Variants in MCHR2 observed in about 807,000 individuals in gnomAD.
The protein encoded by MCHR2 is melanin concentrating hormone receptor 2.
In MCHR2, 15 loss-of-function variants were observed where a neutral mutation model predicts 24.8. The ratio of observed to expected loss-of-function variants is 0.60; its 90% confidence interval spans 0.40 to 0.93. The LOEUF (loss-of-function observed/expected upper bound fraction) is 0.93, where lower values mean the gene tolerates loss of function less well. Ranked by LOEUF, MCHR2 falls within the 40% of genes least tolerant of loss-of-function variation. MCHR2 has a pLI of 0.00. For missense variants in MCHR2, 386 were observed against 408.7 expected, an observed-to-expected ratio of 0.94 and a Z score of 0.48; for synonymous variants, 151 against 147.6, an observed-to-expected ratio of 1.02 and a Z score of -0.17.
rs1238688132 is a variant in MCHR2, at chr6:99,921,191, C to CCACCAG, written c.766_771dup (p.Leu256_Val257dup). 2.2e-5 allele frequency: 35 copies of CCACCAG among 1,613,996 alleles called. No individual in the cohort carries two copies. The highest frequency in any genetic ancestry group is 2.8e-5 in the Non-Finnish European group (33 of 1,180,020). On this transcript the variant is annotated inframe_insertion, in exon 6 of 6. Transcript: ENST00000281806. Reference sequence around the variant, plus strand: ...GGGGCAGCACTCAGGATAAAGACTACCACCAGCACCAGCACCATCTTTGTC... The same window carrying CCACCAG: ...GGGGCAGCACTCAGGATAAAGACTACCACCAGCACCAGCACCAGCACCATCTTTGTC...
chr6:99,984,238 A>AT (rs1029242587), intron 1 of MCHR2, among the ~76,000 whole-genome samples: 1 of 67,212 alleles, frequency 1.5e-5, no homozygotes, highest in African/African-American at 4.7e-5. Flanking sequence ...TTTGTTTTTT[A>AT]TTTTTTTATT....
intron 1 of MCHR2, among the ~76,000 whole-genome samples, chr6:99,987,069 T>G (rs1335157252): frequency 6.6e-6 from 1 of 150,730 alleles, no homozygotes; most frequent in Non-Finnish European, 1.5e-5. Flanking sequence ...CTCTATTGTA[T>G]TGTGTTTGTT....
chr6:99,951,432 C>G (rs965609534), intron 2 of MCHR2, among the ~76,000 whole-genome samples: 1 of 152,048 alleles, frequency 6.6e-6, no homozygotes, highest in Admixed American at 6.6e-5. Flanking sequence ...ATTTGCCAAC[C>G]CTTCCCTAGA....
rs201703300 is a variant in MCHR2, at chr6:99,942,967, G to T, written c.569C>A (p.Ser190Tyr). Residue 190 changes from serine (S) to tyrosine (Y), a missense_variant, in exon 4 of 6, where the codon TCC (serine) becomes TAC (tyrosine). Physicochemically the swap from Ser to Tyr is moderately radical, Grantham distance 144. Coordinates refer to ENST00000281806, the MANE Select transcript of MCHR2 (RefSeq NM_001040179.2). Reference sequence around the variant, plus strand: ...AACTTACCAGAGTACATCGTCAGGGGATGTCAAATCAAAAGCACAACTCTC... The same window carrying T: ...AACTTACCAGAGTACATCGTCAGGGTATGTCAAATCAAAAGCACAACTCTC... Reference protein sequence around the residue: ...GVESCAFDLTSPDDVLWYTLY... With the variant: ...GVESCAFDLTYPDDVLWYTLY... 3 of 1,611,718 alleles carry T rather than the reference G, an allele frequency of 1.9e-6. No homozygotes were observed. Among genetic ancestry groups the T allele is most frequent in the East Asian group, 2.2e-5 (1 of 44,844 alleles).
At chr6:99,924,422 CT>C (rs1355003902) in intron 5 of MCHR2, among the ~76,000 whole-genome samples, 2 of 151,816 alleles carry the variant, frequency 1.3e-5, no homozygotes, top group African/African-American at 4.8e-5. Flanking sequence ...CTGCTGTGAT[CT>C]TTATTGTTTC....
chr6:99,922,369 AG>A (rs1774257152), intron 5 of MCHR2, among the ~76,000 whole-genome samples: 1 of 152,028 alleles, frequency 6.6e-6, no homozygotes, highest in Non-Finnish European at 1.5e-5. Context: ...GGCCATCCAA[AG>A]TGCTGGGATT....
intron 4 of MCHR2, 151 bp downstream of exon 4, chr6:99,942,798 C>A (rs2114521133): frequency 1.9e-6 from 1 of 538,540 alleles, no homozygotes; most frequent in Non-Finnish European, 3.1e-6. Context: ...AAACTTATCA[C>A]CTTGATTGTA....
intron 4 of MCHR2, among the ~76,000 whole-genome samples, 187 bp from the exon 5 acceptor site, chr6:99,934,704 T>C (rs1242915453): frequency 6.6e-6 from 1 of 152,096 alleles, no homozygotes; most frequent in Non-Finnish European, 1.5e-5. Flanking sequence ...ATCTTCATTG[T>C]TCACTAACAA....
At chr6:99,987,206 T>C (rs10872540) in intron 1 of MCHR2, among the ~76,000 whole-genome samples, 50,534 of 151,830 alleles carry the variant, frequency 0.33, 8,856 homozygotes, top group East Asian at 0.55. Context: ...GTTCAAGCGA[T>C]TCTCCTGCCT....
intron 1 of MCHR2, among the ~76,000 whole-genome samples, chr6:99,983,753 C>T (rs940343975): frequency 1.3e-5 from 2 of 152,172 alleles, no homozygotes; most frequent in African/African-American, 4.8e-5. Context: ...CCTATGTTTG[C>T]ATTTACCAGA....
intron 2 of MCHR2, among the ~76,000 whole-genome samples, chr6:99,950,845 G>T (rs907989658): frequency 6.6e-5 from 10 of 152,100 alleles, no homozygotes; most frequent in African/African-American, 2.4e-4. Flanking sequence ...AACAACATAT[G>T]ATATGAATTA....
Position 99,936,622 on chromosome 6 carries a change from A to G in MCHR2, c.588-2105T>C, listed in dbSNP as rs542387339. On this transcript the variant is annotated intron_variant, in intron 4 of 5. Coordinates refer to ENST00000281806, the MANE Select transcript of MCHR2 (RefSeq NM_001040179.2). ...CTAGTAAATTTTGAAGTCGGGTAGC[A>G]TGATGCCTCTAGCTTTGTTCTTTAC... Among the ~76,000 whole-genome samples, 4 of 151,980 alleles carry G rather than the reference A, an allele frequency of 2.6e-5. No homozygotes were observed. The East Asian group carries it at 7.7e-4, about 29-fold the overall frequency.
At chr6:99,940,556 A>G (rs1468661835) in intron 4 of MCHR2, among the ~76,000 whole-genome samples, 1 of 152,116 alleles carries the variant, frequency 6.6e-6, no homozygotes, top group African/African-American at 2.4e-5. Flanking sequence ...GAGAGCTCAC[A>G]TATTGCTGTC....
At chr6:99,944,789 C>T (rs1774844230) in intron 3 of MCHR2, among the ~76,000 whole-genome samples, 1 of 152,168 alleles carries the variant, frequency 6.6e-6, no homozygotes, top group African/African-American at 2.4e-5. Flanking sequence ...GAAAACCTTT[C>T]AGTGGTTTTC....
chr6:99,960,095 G>T (rs1030412319), intron 1 of MCHR2, among the ~76,000 whole-genome samples: 1 of 151,988 alleles, frequency 6.6e-6, no homozygotes, highest in African/African-American at 2.4e-5. Context: ...AAAGCAGCAA[G>T]AGAAAAATGA....
At chr6:99,993,721 C>G (rs1775931449) in intron 1 of MCHR2, among the ~76,000 whole-genome samples, 1 of 152,170 alleles carries the variant, frequency 6.6e-6, no homozygotes, top group Non-Finnish European at 1.5e-5. Flanking sequence ...CCCACCCGCC[C>G]CGCTCCGTCT....
At chr6:99,973,115 C>G (rs1376105251) in intron 1 of MCHR2, among the ~76,000 whole-genome samples, 2 of 151,578 alleles carry the variant, frequency 1.3e-5, no homozygotes, top group Non-Finnish European at 2.9e-5. Context: ...TCCTGGGTAT[C>G]CTTGTTGACT....
intron 3 of MCHR2, among the ~76,000 whole-genome samples, chr6:99,944,742 A>C (rs1774843078): frequency 6.6e-6 from 1 of 152,164 alleles, no homozygotes; most frequent in Non-Finnish European, 1.5e-5. Flanking sequence ...GGATCAAGCA[A>C]TTAAGGAATC....
chr6:99,982,415 G>A (rs148485256), intron 1 of MCHR2, among the ~76,000 whole-genome samples: 81 of 135,082 alleles, frequency 6.0e-4, no homozygotes, highest in African/African-American at 2.0e-3. Flanking sequence ...GATCACTTGA[G>A]GTCAGGAGTT....
Sources: gnomAD v4.1 joint callset for allele counts (sites outside exome capture counted in the v4.1 genomes callset) on GRCh38, gnomAD v4.1.1 for gene constraint, MANE v1.5 for transcripts, NCBI Gene and HGNC (gene_info 2026-07-23, HGNC 2026-07-21) for gene names.